The following TMEM38B variants were observed in gnomAD, a reference collection of about 807,000 sequenced individuals.
TMEM38B encodes transmembrane protein 38B.
In TMEM38B, 24 loss-of-function variants were observed where a neutral mutation model predicts 28.7. That is an observed-to-expected ratio of 0.84 (90% confidence interval 0.61 to 1.18). The LOEUF (loss-of-function observed/expected upper bound fraction) is 1.18. Among genes scored for constraint, TMEM38B ranks in the 50% most tolerant of loss-of-function variants. The pLI, the probability that TMEM38B is intolerant of heterozygous loss-of-function variation, is 0.00. For synonymous variants in TMEM38B, 131 were observed against 127.7 expected (o/e 1.03, Z -0.17); for missense variants, 380 against 350.9 (o/e 1.08, Z -0.66).
intron 4 of TMEM38B, among the ~76,000 whole-genome samples, chr9:105,728,398 C>T (rs924313625): frequency 3.9e-5 from 6 of 152,092 alleles, no homozygotes; most frequent in Non-Finnish European, 7.3e-5. Flanking sequence ...CAGCTTCATC[C>T]GTGTCCCTGT....
At chr9:105,722,267 A>G (rs541073978) in intron 3 of TMEM38B, among the ~76,000 whole-genome samples, 2 of 152,238 alleles carry the variant, frequency 1.3e-5, no homozygotes, top group Non-Finnish European at 1.5e-5. Flanking sequence ...AAAGCAGAGG[A>G]TTTTATTTTT....
rs184057474 is a variant in TMEM38B at position 105,724,578 on chromosome 9, G to T, written c.542+1957G>T. 4.9e-3 allele frequency among the ~76,000 whole-genome samples: 740 copies of T among 150,408 alleles called. 1 individual carries two copies. The highest frequency in any genetic ancestry group is 0.017 in the Middle Eastern group (5 of 290). ...GCAGAAGTTGCAATGAGCTGAGATC[G>T]CACCACTGCACTCCAGCCTGGGTGA... is the stretch of plus-strand genomic sequence containing the variant. On this transcript the variant is annotated intron_variant, in intron 4 of 5. Transcript: ENST00000374692.
intron 5 of TMEM38B, chr9:105,760,488 G>C: frequency 4.0e-6 from 3 of 746,190 alleles, no homozygotes; most frequent in Non-Finnish European, 7.3e-6. Context: ...ACTGTAAGCA[G>C]ATTAGTGCTC....
chr9:105,739,780 C>G (rs1837126704), intron 4 of TMEM38B, among the ~76,000 whole-genome samples: 1 of 151,992 alleles, frequency 6.6e-6, no homozygotes, highest in East Asian at 1.9e-4. Flanking sequence ...CCACCTTGGC[C>G]TCCTAAAATG....
chr9:105,738,824 C>A (rs910530974), intron 4 of TMEM38B, among the ~76,000 whole-genome samples: 9 of 149,526 alleles, frequency 6.0e-5, no homozygotes, highest in African/African-American at 2.0e-4. Flanking sequence ...CTCAAGCAAT[C>A]CCCCCGTCTC....
intron 2 of TMEM38B, among the ~76,000 whole-genome samples, chr9:105,719,360 C>G (rs1208300173): frequency 6.6e-6 from 1 of 151,948 alleles, no homozygotes; most frequent in Non-Finnish European, 1.5e-5. Flanking sequence ...TTAAAGTTAC[C>G]TTGGATATGA....
chr9:105,758,896 GAT>G (rs1837931271), intron 5 of TMEM38B: 1 of 1,143,412 alleles, frequency 8.7e-7, no homozygotes, highest in Non-Finnish European at 1.3e-6. Flanking sequence ...GAAATTTGGA[GAT>G]ATGTTATTCT....
At chr9:105,722,886 G>C (rs1836373778) in intron 4 of TMEM38B, among the ~76,000 whole-genome samples, 1 of 152,100 alleles carries the variant, frequency 6.6e-6, no homozygotes, top group Non-Finnish European at 1.5e-5. Flanking sequence ...GATTATAGTA[G>C]AATTGTGGGA....
At chr9:105,751,274 A>C (rs78061044) in intron 5 of TMEM38B, among the ~76,000 whole-genome samples, 3,521 of 152,308 alleles carry the variant, frequency 0.023, 135 homozygotes, top group African/African-American at 0.081. Context: ...ACCTGGGAGC[A>C]GCATGGGGCC....
chr9:105,773,521 G>A (rs895210049), intron 5 of TMEM38B, among the ~76,000 whole-genome samples: 4 of 152,112 alleles, frequency 2.6e-5, no homozygotes, highest in South Asian at 2.1e-4. Context: ...TAAAGAGAAC[G>A]ACAATGTAAA....
Position 105,701,848 on chromosome 9 carries a change from C to G in TMEM38B, c.113-3749C>G, listed in dbSNP as rs190201442. Reference sequence around the variant, plus strand: ...GAGTCAGTTGCCAAGTATGTCTGTTCTAATTACTCATTAAGGAACTGGGGA... The same window carrying G: ...GAGTCAGTTGCCAAGTATGTCTGTTGTAATTACTCATTAAGGAACTGGGGA... On this transcript the variant is annotated intron_variant, in intron 1 of 5. Coordinates refer to ENST00000374692, the MANE Select transcript of TMEM38B (RefSeq NM_018112.3). 2.6e-5 allele frequency among the ~76,000 whole-genome samples: 4 copies of G among 152,284 alleles called. No homozygotes were observed. In the East Asian group the frequency reaches 7.7e-4, roughly 29 times the overall value.
chr9:105,720,692 A>T (rs1836283209), intron 2 of TMEM38B, among the ~76,000 whole-genome samples: 1 of 152,120 alleles, frequency 6.6e-6, no homozygotes, highest in African/African-American at 2.4e-5. Flanking sequence ...TTTAAAAGAG[A>T]TATGATATTC....
At chr9:105,762,555 A>T (rs984717060) in intron 5 of TMEM38B, among the ~76,000 whole-genome samples, 7 of 144,726 alleles carry the variant, frequency 4.8e-5, no homozygotes, top group Non-Finnish European at 9.0e-5. Flanking sequence ...ATGATTTCCA[A>T]TTTCATCCAT....
At chr9:105,769,923 T>C (rs989011561) in intron 5 of TMEM38B, among the ~76,000 whole-genome samples, 1 of 152,080 alleles carries the variant, frequency 6.6e-6, no homozygotes, top group African/African-American at 2.4e-5. Context: ...AAAGGGGTGG[T>C]TGATGAGAGT....
At chr9:105,758,147 T>A in intron 5 of TMEM38B, 1 of 564,258 alleles carries the variant, frequency 1.8e-6, no homozygotes, top group Non-Finnish European at 3.2e-6. Context: ...TGGACGCCAG[T>A]GGGCACTGAC....
intron 2 of TMEM38B, among the ~76,000 whole-genome samples, chr9:105,709,307 C>T (rs1020400103): frequency 1.1e-4 from 17 of 152,158 alleles, no homozygotes; most frequent in African/African-American, 4.1e-4. Flanking sequence ...CAGTTTATTA[C>T]AGATTAAAAC....
chr9:105,737,666 A>G (rs953073697), intron 4 of TMEM38B, among the ~76,000 whole-genome samples: 3 of 152,110 alleles, frequency 2.0e-5, no homozygotes, highest in African/African-American at 7.2e-5. Flanking sequence ...GTTCAGCTCA[A>G]CCAATGCTCT....
chr9:105,765,423 C>A (rs1826337725), intron 5 of TMEM38B, among the ~76,000 whole-genome samples: 1 of 152,122 alleles, frequency 6.6e-6, no homozygotes, highest in African/African-American at 2.4e-5. Flanking sequence ...AATTTGTATA[C>A]CTGTGTAACT....
At chr9:105,773,090 A>G (rs1826610199) in intron 5 of TMEM38B, among the ~76,000 whole-genome samples, 1 of 152,110 alleles carries the variant, frequency 6.6e-6, no homozygotes, top group Admixed American at 6.6e-5. Context: ...TCTTGGGGAA[A>G]TTCCTGGATT....
Sources: gnomAD v4.1 joint callset for allele counts (sites outside exome capture counted in the v4.1 genomes callset) on GRCh38, gnomAD v4.1.1 for gene constraint, MANE v1.5 for transcripts, NCBI Gene and HGNC (gene_info 2026-07-23, HGNC 2026-07-21) for gene names.